The following ZFR variants were observed in gnomAD, a reference collection of about 807,000 sequenced individuals.
The protein encoded by ZFR is zinc finger RNA binding protein.
ZFR carries 19 observed loss-of-function variants against 130.7 expected under a neutral mutation model. The observed-to-expected ratio is 0.15, with a 90% CI of 0.10 to 0.21. The LOEUF (loss-of-function observed/expected upper bound fraction) is 0.21. Among genes scored for constraint, ZFR ranks in the 10% least tolerant of loss-of-function variants. The pLI, the probability that ZFR is intolerant of heterozygous loss-of-function variation, is 1.00. For synonymous variants in ZFR, 466 were observed against 456.9 expected, an observed-to-expected ratio of 1.02 and a Z score of -0.25; for missense variants, 872 against 1,321.5, an observed-to-expected ratio of 0.66 and a Z score of 5.27.
intron 15 of ZFR, among the ~76,000 whole-genome samples, chr5:32,385,028 T>C (rs2111722157): frequency 6.6e-6 from 1 of 152,220 alleles, no homozygotes; most frequent in African/African-American, 2.4e-5. Context: ...GCCAAATCCA[T>C]TATTATATAT....
chr5:32,436,782 A>G (rs972898205), intron 2 of ZFR, among the ~76,000 whole-genome samples: 1 of 152,148 alleles, frequency 6.6e-6, no homozygotes, highest in Admixed American at 6.5e-5. Flanking sequence ...CACCTTACAA[A>G]TAATAGTGAA....
intron 17 of ZFR, among the ~76,000 whole-genome samples, chr5:32,371,704 T>C (rs898038111): frequency 3.9e-5 from 6 of 152,010 alleles, no homozygotes; most frequent in African/African-American, 2.4e-5. Context: ...CCTGAAGACT[T>C]TGAAAACCAG....
intron 2 of ZFR, among the ~76,000 whole-genome samples, chr5:32,425,797 A>G (rs1754061226): frequency 6.6e-6 from 1 of 152,244 alleles, no homozygotes; most frequent in Non-Finnish European, 1.5e-5. Flanking sequence ...AAGTGCTGGG[A>G]TTACAGGCAT....
At chr5:32,427,945 A>G (rs1357842510) in intron 2 of ZFR, among the ~76,000 whole-genome samples, 1 of 152,218 alleles carries the variant, frequency 6.6e-6, no homozygotes, top group African/African-American at 2.4e-5. Context: ...TTCACCTTAC[A>G]AAATATACAA....
At chr5:32,358,095 T>TATGA (rs369122944) in intron 19 of ZFR, among the ~76,000 whole-genome samples, 81 of 152,216 alleles carry the variant, frequency 5.3e-4, no homozygotes, top group African/African-American at 2.0e-3. Flanking sequence ...TGATGGCTCA[T>TATGA]GCCTGTAATC....
intron 17 of ZFR, among the ~76,000 whole-genome samples, chr5:32,372,471 G>C (rs928447255): frequency 6.6e-6 from 1 of 152,066 alleles, no homozygotes; most frequent in African/African-American, 2.4e-5. Context: ...TTATATGGGA[G>C]TTATCTTCCA....
Position 32,414,966 on chromosome 5 carries a change from T to C in ZFR, c.784+3A>G. 1 of 1,611,994 alleles carries C rather than the reference T, an allele frequency of 6.2e-7. No individual in the cohort carries two copies. Among genetic ancestry groups the C allele is most frequent in the Non-Finnish European group, 8.5e-7 (1 of 1,178,614 alleles). On this transcript the variant is annotated splice_donor_region_variant and intron_variant, in intron 5 of 19. Coordinates refer to ENST00000265069, the MANE Select transcript of ZFR (RefSeq NM_016107.5). ...TCATTTAAACACAGTTTATCAGTCT[T>C]ACCAGAATATGTAACTGCTGTGGTA...
chr5:32,426,123 G>A (rs1561918854), intron 2 of ZFR, among the ~76,000 whole-genome samples: 1 of 152,172 alleles, frequency 6.6e-6, no homozygotes, highest in African/African-American at 2.4e-5. Context: ...AAACCTAGCA[G>A]AAAATTGTTT....
chr5:32,395,371 T>C, intron 10 of ZFR, 67 bp from the exon 11 acceptor site: 2 of 1,271,576 alleles, frequency 1.6e-6, no homozygotes, highest in South Asian at 1.9e-5. Context: ...TTTTTAATCA[T>C]ACAATTACAC....
At chr5:32,415,506 G>GTC (rs1753801805) in intron 4 of ZFR, among the ~76,000 whole-genome samples, 2 of 93,456 alleles carry the variant, frequency 2.1e-5, no homozygotes, top group South Asian at 6.5e-4. Context: ...GTGTGTGTGT[G>GTC]TGTGTGTGTG....
At chr5:32,440,128 C>A (rs899616784) in intron 2 of ZFR, among the ~76,000 whole-genome samples, 1 of 152,092 alleles carries the variant, frequency 6.6e-6, no homozygotes, top group Non-Finnish European at 1.5e-5. Flanking sequence ...AAAAATAAAA[C>A]TAGATTTATG....
chr5:32,418,213 T>C (rs1051550304), intron 3 of ZFR, among the ~76,000 whole-genome samples: 18 of 150,814 alleles, frequency 1.2e-4, no homozygotes, highest in African/African-American at 4.4e-4. Context: ...TGAGCCAAGA[T>C]TGCGCCACTG....
intron 12 of ZFR, among the ~76,000 whole-genome samples, chr5:32,389,887 A>T (rs1234836716): frequency 2.6e-5 from 4 of 152,258 alleles, no homozygotes; most frequent in African/African-American, 9.6e-5. Context: ...GAGGTGGCTC[A>T]TGCCTATAAT....
At chr5:32,368,839 C>A (rs1435600860) in intron 17 of ZFR, among the ~76,000 whole-genome samples, 1 of 152,136 alleles carries the variant, frequency 6.6e-6, no homozygotes, top group Non-Finnish European at 1.5e-5. Context: ...GACTATCATT[C>A]CCATTTTACA....
At chr5:32,442,959 A>G (rs1754506001) in intron 2 of ZFR, among the ~76,000 whole-genome samples, 1 of 100,902 alleles carries the variant, frequency 9.9e-6, no homozygotes, top group South Asian at 4.2e-4. Context: ...TAATCCTAGC[A>G]CTCTGGGAGG....
Position 32,404,199 on chromosome 5 carries a change from C to T in ZFR, c.1033-102G>A. On this transcript the variant is annotated intron_variant, in intron 6 of 19. Coordinates refer to ENST00000265069, the MANE Select transcript of ZFR (RefSeq NM_016107.5). Reference sequence around the variant, plus strand: ...CTCTAATACTCATCTAAAAATGAGACCAAAACAAACTTTTTAAGTTGAAAA... The same window carrying T: ...CTCTAATACTCATCTAAAAATGAGATCAAAACAAACTTTTTAAGTTGAAAA... The T allele has an allele frequency of 2.9e-6, 3 of 1,033,480 alleles. No homozygotes were observed. The South Asian group carries it at 5.5e-5, about 19-fold the overall frequency. 64.0% of individuals were successfully genotyped at this position (1,033,480 alleles called of 1,614,324 possible).
chr5:32,434,769 T>C (rs1291535491), intron 2 of ZFR, among the ~76,000 whole-genome samples: 4 of 152,158 alleles, frequency 2.6e-5, no homozygotes, highest in Non-Finnish European at 4.4e-5. Flanking sequence ...ATGTTTTCTT[T>C]GCTCTTTGGA....
Position 32,431,004 on chromosome 5 carries a change from G to A in ZFR, c.138-10901C>T, listed in dbSNP as rs375306979. On this transcript the variant is annotated intron_variant, in intron 2 of 19. Coordinates refer to ENST00000265069, the MANE Select transcript of ZFR (RefSeq NM_016107.5). ...GTGGGAGGACTGCTTGAGCCCGGGA[G>A]GTTGAAGGTGCAGTGAGCTGAAATT... 3.9e-5 allele frequency among the ~76,000 whole-genome samples: 6 copies of A among 152,180 alleles called. No homozygotes were observed. The East Asian group carries it at 7.7e-4, about 20-fold the overall frequency.
chr5:32,367,441 TAATA>T (rs1561861094), intron 17 of ZFR, among the ~76,000 whole-genome samples: 15 of 129,250 alleles, frequency 1.2e-4, no homozygotes, highest in South Asian at 1.1e-3. Context: ...ATCTCAAAAA[TAATA>T]AATAAATAAA....
Sources: allele counts gnomAD v4.1 joint callset (sites outside exome capture counted in the v4.1 genomes callset), GRCh38; gene constraint gnomAD v4.1.1; transcripts MANE v1.5; gene names NCBI Gene and HGNC (gene_info 2026-07-23, HGNC 2026-07-21).